XKR4: variants seen among roughly 807,000 people sequenced by gnomAD.
The protein encoded by XKR4 is XK related 4.
XKR4 carries 12 observed loss-of-function variants against 53.9 expected under a neutral mutation model. That is an observed-to-expected ratio of 0.22 (90% CI 0.14 to 0.36). XKR4 has a LOEUF of 0.36. XKR4 is among the 10% of genes least tolerant of loss of function. The pLI is 1.00. For missense variants in XKR4, 799 were observed against 859.5 expected (o/e 0.93, Z 0.88); for synonymous variants, 354 against 362.4 (o/e 0.98, Z 0.26).
chr8:55,112,562 GTTTTTTTT>G (rs761779642), intron 1 of XKR4, among the ~76,000 whole-genome samples: 21 of 77,212 alleles, frequency 2.7e-4, no homozygotes, highest in African/African-American at 7.7e-4. Flanking sequence ...TACTTTTCAG[GTTTTTTTT>G]TTTTTTTTTT....
At chr8:55,519,637 G>A (rs1263780344) in intron 2 of XKR4, among the ~76,000 whole-genome samples, 2 of 152,146 alleles carry the variant, frequency 1.3e-5, no homozygotes, top group African/African-American at 4.8e-5. Context: ...CCTGTATAGG[G>A]GAGAAAAATT....
intron 2 of XKR4, among the ~76,000 whole-genome samples, chr8:55,461,069 G>C (rs1246015781): frequency 6.6e-6 from 1 of 152,234 alleles, no homozygotes. Flanking sequence ...ACAAACAAAA[G>C]ACAGCAATAA....
chr8:55,180,555 C>CA (rs1817294452), intron 1 of XKR4, among the ~76,000 whole-genome samples: 1 of 151,954 alleles, frequency 6.6e-6, no homozygotes, highest in Non-Finnish European at 1.5e-5. Flanking sequence ...TTCTTTGAGA[C>CA]GAAGTCTCAC....
intron 1 of XKR4, among the ~76,000 whole-genome samples, chr8:55,258,744 G>T (rs1282250593): frequency 6.6e-6 from 1 of 152,084 alleles, no homozygotes; most frequent in Non-Finnish European, 1.5e-5. Context: ...TCTTATTTAA[G>T]GATTAAATCT....
chr8:55,196,967 A>G (rs1461809461), intron 1 of XKR4, among the ~76,000 whole-genome samples: 2 of 152,196 alleles, frequency 1.3e-5, no homozygotes, highest in African/African-American at 4.8e-5. Flanking sequence ...ACCTATAGCC[A>G]TTTCTGGTAT....
At chr8:55,168,147 A>G (rs529157747) in intron 1 of XKR4, among the ~76,000 whole-genome samples, 1 of 152,350 alleles carries the variant, frequency 6.6e-6, no homozygotes, top group South Asian at 2.1e-4. Flanking sequence ...TCTAAATGAT[A>G]GTCCAGTGAA....
At chr8:55,295,506 A>G (rs779552156) in intron 1 of XKR4, among the ~76,000 whole-genome samples, 1 of 152,224 alleles carries the variant, frequency 6.6e-6, no homozygotes, top group Non-Finnish European at 1.5e-5. Context: ...AGAAATAACA[A>G]CAATATGTTA....
chr8:55,102,439 CG>C lies in XKR4; in HGVS notation c.-46del. ...AGGAGGTGGCGGGAGGAGGAGACAGCGGGGAAAGGTGTCAGATAAAGGAGGG... is the reference window on the plus strand; with the variant it reads ...AGGAGGTGGCGGGAGGAGGAGACAGCGGGAAAGGTGTCAGATAAAGGAGGG... On this transcript the variant is annotated 5_prime_UTR_variant, in exon 1 of 3. Coordinates refer to ENST00000327381, the MANE Select transcript of XKR4 (RefSeq NM_052898.2). This position sits in a 1 kb window ranked among gnomAD's most constrained non-coding sequence, Gnocchi z 5.1. The C allele has an allele frequency of 1.3e-6, 2 of 1,513,666 alleles. No homozygotes were observed. The highest frequency in any genetic ancestry group is 1.8e-6 in the Non-Finnish European group (2 of 1,124,218). The allele number at this position is 1,513,666 out of a possible 1,614,324, so 93.8% of individuals were successfully genotyped here.
chr8:55,103,048 A>G lies in XKR4; in HGVS notation c.560A>G (p.Gln187Arg). The G allele has an allele frequency of 6.2e-7, 1 of 1,612,516 alleles. No individual in the cohort carries two copies. Among genetic ancestry groups the G allele is most frequent in the Non-Finnish European group, 8.5e-7 (1 of 1,179,600 alleles). ...GCCGCTGCTGCCTCCAGCTGCCCGC[A>G]GCCTGGAGCCGATTGCAAGACGGTG... is the stretch of plus-strand genomic sequence containing the variant. ...ATAAAASSCPQPGADCKTVVG... is the reference protein window; with the variant it reads ...ATAAAASSCPRPGADCKTVVG... Residue 187 changes from glutamine (Q) to arginine (R), a missense_variant, in exon 1 of 3, where the codon CAG becomes CGG. Transcript: ENST00000327381.
rs138239133 is a variant in XKR4, at chr8:55,376,196, G to A, written c.1006+18319G>A. Among the ~76,000 whole-genome samples, 1,456 of 152,188 alleles carry A rather than the reference G, an allele frequency of 9.6e-3. 10 individuals carry two copies. Among genetic ancestry groups the A allele is most frequent in the African/African-American group, 0.02 (814 of 41,498 alleles). ...ATAGTCCTGCAGTGAACATACATGT[G>A]CATGTATCTTTGCAATATAATGATT... On this transcript the variant is annotated intron_variant, in intron 2 of 2. Transcript: ENST00000327381.
At chr8:55,458,540 C>G (rs934187337) in intron 2 of XKR4, among the ~76,000 whole-genome samples, 20 of 152,180 alleles carry the variant, frequency 1.3e-4, no homozygotes, top group African/African-American at 4.8e-4. Flanking sequence ...TGTCCAGCAT[C>G]CAGGAGGAGT....
intron 2 of XKR4, among the ~76,000 whole-genome samples, chr8:55,439,320 G>T (rs963004909): frequency 1.1e-5 from 1 of 87,482 alleles, no homozygotes; most frequent in African/African-American, 6.1e-5. Context: ...CAAAGAAGAT[G>T]CGCTCCTTCC....
chr8:55,355,522 A>G (rs1803785394), intron 1 of XKR4, among the ~76,000 whole-genome samples: 2 of 152,240 alleles, frequency 1.3e-5, no homozygotes, highest in Admixed American at 6.5e-5. Context: ...TACATATCAC[A>G]TTCTTCAGAA....
At position 55,102,964 on chromosome 8, in the gene XKR4, T is replaced by G; in HGVS notation, c.476T>G (p.Val159Gly). 2 of 1,611,600 alleles carry G rather than the reference T, an allele frequency of 1.2e-6. No individual in the cohort carries two copies. The highest frequency in any genetic ancestry group is 1.7e-6 in the Non-Finnish European group (2 of 1,179,856). Reference protein sequence around the residue: ...LFFVVLGSLSVQVFSFRWFVH... With the variant: ...LFFVVLGSLSGQVFSFRWFVH... ...TTCGTGGTGCTCGGCTCTCTGTCGGTGCAAGTGTTCAGCTTCCGCTGGTTT... is the reference window on the plus strand; with the variant it reads ...TTCGTGGTGCTCGGCTCTCTGTCGGGGCAAGTGTTCAGCTTCCGCTGGTTT... The change falls in exon 1 of 3, where the codon GTG becomes GGG. Residue 159 changes from valine (V) to glycine (G), a missense_variant. By Grantham distance (109) the Val-to-Gly change is moderately radical (BLOSUM62 -3). Around this residue, in one of 3 missense-constraint regions of XKR4, gnomAD observed 476 missense variants for 505.4 expected, o/e 0.94. Transcript: ENST00000327381. The surrounding 1 kb of genome is among the most constrained non-coding windows in gnomAD (Gnocchi z 5.1).
chr8:55,350,960 C>T (rs183142741), intron 1 of XKR4, among the ~76,000 whole-genome samples: 9 of 151,994 alleles, frequency 5.9e-5, no homozygotes, highest in Non-Finnish European at 8.8e-5. Context: ...AGGCTGGTCT[C>T]GAACTCCTGA....
intron 2 of XKR4, among the ~76,000 whole-genome samples, chr8:55,364,230 T>G (rs952747001): frequency 6.6e-6 from 1 of 152,212 alleles, no homozygotes; most frequent in Non-Finnish European, 1.5e-5. Flanking sequence ...TTAATGGTAC[T>G]GGAAGGAGCA....
At chr8:55,308,049 T>C (rs1305786937) in intron 1 of XKR4, among the ~76,000 whole-genome samples, 1 of 152,022 alleles carries the variant, frequency 6.6e-6, no homozygotes, top group Non-Finnish European at 1.5e-5. Context: ...GGTCAGGAGT[T>C]CAAGGCCAGC....
At chr8:55,445,277 T>TA (rs1276529721) in intron 2 of XKR4, among the ~76,000 whole-genome samples, 1 of 152,078 alleles carries the variant, frequency 6.6e-6, no homozygotes, top group Non-Finnish European at 1.5e-5. Context: ...CAGGATGGTC[T>TA]CGATCTCCTG....
intron 2 of XKR4, among the ~76,000 whole-genome samples, chr8:55,359,455 A>T (rs1803868881): frequency 6.6e-6 from 1 of 152,248 alleles, no homozygotes; most frequent in Admixed American, 6.5e-5. Flanking sequence ...GTTTTAGGAA[A>T]TGATCTGTAA....
Sources: allele counts gnomAD v4.1 joint callset (sites outside exome capture counted in the v4.1 genomes callset), GRCh38; gene constraint gnomAD v4.1.1; regional missense constraint gnomAD v4.1.1; non-coding constraint Gnocchi (gnomAD v3.1); transcripts MANE v1.5; gene names NCBI Gene and HGNC (gene_info 2026-07-23, HGNC 2026-07-21).